Variants in PDZD2 observed in about 807,000 individuals in gnomAD.
The protein encoded by PDZD2 is PDZ domain containing 2.
Under a neutral mutation model 220.7 loss-of-function variants are expected in PDZD2, and 90 were observed. That is an observed-to-expected ratio of 0.41 (90% CI 0.34 to 0.49). PDZD2 has a LOEUF of 0.49. Among genes scored for constraint, PDZD2 ranks in the 20% least tolerant of loss-of-function variants. PDZD2 has a pLI of 0.28. For synonymous variants in PDZD2, 1,375 were observed against 1,450.5 expected (o/e 0.95, Z 1.18); for missense variants, 3,174 against 3,608.5 (o/e 0.88, Z 3.08).
At chr5:31,835,572 G>T (rs75949637) in intron 2 of PDZD2, among the ~76,000 whole-genome samples, 8,577 of 150,756 alleles carry the variant, frequency 0.057, 418 homozygotes, top group East Asian at 0.26. Flanking sequence ...AGCCAAGATC[G>T]CGCCACTGCA....
At chr5:31,737,229 G>A (rs573029022) in intron 1 of PDZD2, among the ~76,000 whole-genome samples, 1 of 129,206 alleles carries the variant, frequency 7.7e-6, no homozygotes, top group African/African-American at 3.0e-5. Flanking sequence ...CTGGAGTGCA[G>A]TGGCGCCATC....
intron 2 of PDZD2, among the ~76,000 whole-genome samples, chr5:31,969,350 T>C (rs1472574573): frequency 1.3e-5 from 2 of 150,974 alleles, no homozygotes; most frequent in African/African-American, 4.9e-5. Context: ...CTACCAAAAA[T>C]ACAAAAAATT....
rs775189525 is a variant in PDZD2 at position 32,088,427 on chromosome 5, C to A, written c.4979C>A (p.Pro1660Gln). 6.2e-7 allele frequency: 1 copy of A among 1,614,002 alleles called. No homozygotes were observed. Among genetic ancestry groups the A allele is most frequent in the Non-Finnish European group, 8.5e-7 (1 of 1,179,928 alleles). The change falls in exon 20 of 25, where the codon CCA becomes CAA. Residue 1660 changes from proline (P) to glutamine (Q), a missense_variant. Transcript: ENST00000438447. The surrounding 1 kb of genome is among the most constrained non-coding windows in gnomAD (Gnocchi z 4.6). ...TTGCCAGGCTCATACACTTCAGGCCCAGACTCTTCCCAGCCATCATCACTC... is the reference window on the plus strand; with the variant it reads ...TTGCCAGGCTCATACACTTCAGGCCAAGACTCTTCCCAGCCATCATCACTC... ...ACLPGSYTSG[P>Q]DSSQPSSLLE...
chr5:31,948,215 A>G (rs1746825846), intron 2 of PDZD2, among the ~76,000 whole-genome samples: 1 of 152,120 alleles, frequency 6.6e-6, no homozygotes, highest in African/African-American at 2.4e-5. Context: ...CTTTCCAGCT[A>G]TGCTCCAGAG....
intron 1 of PDZD2, among the ~76,000 whole-genome samples, chr5:31,680,914 C>T (rs963469101): frequency 6.6e-6 from 1 of 152,136 alleles, no homozygotes; most frequent in Admixed American, 6.5e-5. Flanking sequence ...CTTGTGCTTC[C>T]CTATACGGCC....
chr5:32,073,612 G>T (rs1423477421), intron 17 of PDZD2, among the ~76,000 whole-genome samples: 1 of 147,512 alleles, frequency 6.8e-6, no homozygotes, highest in South Asian at 2.5e-4. Flanking sequence ...AAGGGCGGGG[G>T]GGGTAGGTCA....
At chr5:31,712,315 A>AC (rs1382916558) in intron 1 of PDZD2, among the ~76,000 whole-genome samples, 2 of 152,214 alleles carry the variant, frequency 1.3e-5, no homozygotes, top group East Asian at 3.9e-4. Context: ...CCTGCCTCAC[A>AC]CGGCGTTGAC....
At chr5:32,075,347 G>A (rs1003847515) in intron 18 of PDZD2, among the ~76,000 whole-genome samples, 2 of 152,156 alleles carry the variant, frequency 1.3e-5, no homozygotes, top group Non-Finnish European at 2.9e-5. Flanking sequence ...CTCTGGGCTG[G>A]TGCTCTCTGC....
chr5:32,049,592 G>T (rs1738324275), intron 8 of PDZD2, among the ~76,000 whole-genome samples: 1 of 152,182 alleles, frequency 6.6e-6, no homozygotes, highest in Non-Finnish European at 1.5e-5. Flanking sequence ...TAAGTATTTT[G>T]CCCAAGGTGA....
In PDZD2 at chr5:31,701,205, A is replaced by T. The variant is rs541299110; in HGVS notation, c.-361+61768A>T. 1.0e-3 allele frequency among the ~76,000 whole-genome samples: 134 copies of T among 131,422 alleles called. No individual in the cohort carries two copies. The South Asian group carries it at 0.01, about 10-fold the overall frequency. 86.2% of individuals were successfully genotyped at this position (131,422 alleles called of 152,430 possible). On this transcript the variant is annotated intron_variant, in intron 1 of 24. Transcript: ENST00000438447. ...GGGCAGGCCTGGAAAATATATATAT[A>T]TTTTTTTTTGAGGCAGAGTCTCGCT...
At chr5:31,803,932 G>A (rs962653188) in intron 2 of PDZD2, among the ~76,000 whole-genome samples, 1 of 151,724 alleles carries the variant, frequency 6.6e-6, no homozygotes, top group African/African-American at 2.4e-5. Flanking sequence ...CCAGCTACTC[G>A]AGAGGCTGAG....
chr5:32,101,304 A>C, intron 24 of PDZD2, 65 bp downstream of exon 24: 1 of 1,393,766 alleles, frequency 7.2e-7, no homozygotes, highest in Non-Finnish European at 9.8e-7. Flanking sequence ...TGTCTCAATG[A>C]AAAAAATGCC....
chr5:31,752,277 G>A (rs561148447), intron 1 of PDZD2, among the ~76,000 whole-genome samples: 1 of 151,800 alleles, frequency 6.6e-6, no homozygotes, highest in African/African-American at 2.4e-5. Context: ...GGCTGGGCAC[G>A]GTGGCTCATG....
chr5:31,830,350 G>GTT (rs1561491870), intron 2 of PDZD2, among the ~76,000 whole-genome samples: 1 of 91,432 alleles, frequency 1.1e-5, no homozygotes. Flanking sequence ...TTTTTTTTTT[G>GTT]TATTTTTAGT....
intron 5 of PDZD2, among the ~76,000 whole-genome samples, chr5:32,006,158 A>G (rs1303544497): frequency 6.6e-6 from 1 of 151,958 alleles, no homozygotes; most frequent in Non-Finnish European, 1.5e-5. Flanking sequence ...AAAAAAAAAA[A>G]AAAAGATATC....
intron 2 of PDZD2, among the ~76,000 whole-genome samples, chr5:31,886,656 C>A (rs1740510646): frequency 4.0e-5 from 3 of 74,958 alleles, no homozygotes; most frequent in African/African-American, 2.9e-4. Context: ...CAGGTAGAGC[C>A]CAGAGGCACT....
At position 31,979,987 on chromosome 5, in the gene PDZD2, T is replaced by C. The variant is rs1026388468; in HGVS notation, c.477-3168T>C. On this transcript the variant is annotated intron_variant, in intron 2 of 24. Transcript: ENST00000438447. ...AAAGAATGAACTCAAAATTTGCCCA[T>C]AATAATACTGTATTCACTAGGAACA... Among the ~76,000 whole-genome samples the C allele has an allele frequency of 2.0e-5, 3 of 152,334 alleles. No homozygotes were observed. The East Asian group carries it at 5.8e-4, about 29-fold the overall frequency.
chr5:31,672,627 A>T (rs888186356), intron 1 of PDZD2, among the ~76,000 whole-genome samples: 1 of 152,178 alleles, frequency 6.6e-6, no homozygotes, highest in African/African-American at 2.4e-5. Flanking sequence ...GTACCCAAAT[A>T]ACCCACTTTG....
At chr5:32,005,700 C>T (rs772090707) in intron 5 of PDZD2, among the ~76,000 whole-genome samples, 3 of 152,054 alleles carry the variant, frequency 2.0e-5, no homozygotes, top group Non-Finnish European at 4.4e-5. Context: ...GCATATATAC[C>T]CTGGAGGCAG....
Sources: gnomAD v4.1 joint callset for allele counts (sites outside exome capture counted in the v4.1 genomes callset) on GRCh38, gnomAD v4.1.1 for gene constraint, Gnocchi (gnomAD v3.1) non-coding constraint, MANE v1.5 for transcripts, NCBI Gene and HGNC (gene_info 2026-07-23, HGNC 2026-07-21) for gene names.